The following SSBP2 variants were observed in gnomAD, a reference collection of about 807,000 sequenced individuals.
SSBP2 encodes single stranded DNA binding protein 2, also known as single-stranded DNA-binding protein 2.
A neutral mutation model predicts 61.8 loss-of-function variants in SSBP2; 17 were observed. The ratio of observed to expected loss-of-function variants is 0.28; its 90% CI spans 0.19 to 0.41. SSBP2 has a LOEUF of 0.41. SSBP2 is among the 10% of genes least tolerant of loss of function. The probability of loss-of-function intolerance (pLI) is 1.00; values close to 1 mark genes in which losing one functional copy is unlikely to be tolerated. For synonymous variants in SSBP2, 139 were observed against 141.3 expected (o/e 0.98, Z 0.12); for missense variants, 310 against 458.7 (o/e 0.68, Z 2.96).
intron 4 of SSBP2, among the ~76,000 whole-genome samples, chr5:81,564,054 A>G (rs1457120337): frequency 6.6e-6 from 1 of 152,214 alleles, no homozygotes; most frequent in Non-Finnish European, 1.5e-5. Flanking sequence ...AGAAAAACAC[A>G]AAATGAATGA....
intron 3 of SSBP2, among the ~76,000 whole-genome samples, chr5:81,619,689 A>T (rs1405127752): frequency 1.5e-5 from 1 of 65,986 alleles, no homozygotes; most frequent in East Asian, 3.8e-4. Context: ...ATGAACATTG[A>T]TGCAAAAATC....
intron 8 of SSBP2, among the ~76,000 whole-genome samples, chr5:81,470,069 T>G (rs530268567): frequency 2.1e-3 from 322 of 152,056 alleles, no homozygotes; most frequent in Non-Finnish European, 3.7e-3. Context: ...ACTTTTTCCT[T>G]ACATGAGAGC....
intron 4 of SSBP2, among the ~76,000 whole-genome samples, chr5:81,533,794 C>T (rs1770595972): frequency 6.6e-6 from 1 of 152,080 alleles, no homozygotes; most frequent in Non-Finnish European, 1.5e-5. Flanking sequence ...AACTGATTAA[C>T]TGCTGGAGGT....
chr5:81,721,104 A>G (rs1239448001), intron 1 of SSBP2, among the ~76,000 whole-genome samples: 3 of 152,180 alleles, frequency 2.0e-5, no homozygotes, highest in African/African-American at 2.4e-5. Context: ...GAGCCACAAT[A>G]GTAGGAAACC....
At chr5:81,496,561 T>C (rs6878037) in intron 5 of SSBP2, among the ~76,000 whole-genome samples, 105,697 of 152,122 alleles carry the variant, frequency 0.69, 38,918 homozygotes, top group African/African-American at 0.93. Flanking sequence ...TAGCAAGTGA[T>C]CATTTACTTA....
intron 3 of SSBP2, among the ~76,000 whole-genome samples, chr5:81,626,689 C>A (rs1298914845): frequency 6.6e-6 from 1 of 151,086 alleles, no homozygotes; most frequent in Non-Finnish European, 1.5e-5. Flanking sequence ...GCAACCACCC[C>A]CTCACCCTAC....
At chr5:81,496,265 C>T (rs1345748602) in intron 5 of SSBP2, among the ~76,000 whole-genome samples, 1 of 152,108 alleles carries the variant, frequency 6.6e-6, no homozygotes, top group African/African-American at 2.4e-5. Flanking sequence ...CTGCAACCTC[C>T]GCCTCCTGAG....
At chr5:81,493,559 T>G (rs766087134) in intron 5 of SSBP2, among the ~76,000 whole-genome samples, 35 of 152,202 alleles carry the variant, frequency 2.3e-4, no homozygotes, top group Middle Eastern at 6.8e-3. Flanking sequence ...TTCAAGGCCA[T>G]CCTGGCCAAC....
chr5:81,751,358 C>T, upstream of SSBP2: 1 of 502,762 alleles, frequency 2.0e-6, no homozygotes. Context: ...CCTCCCCCCT[C>T]CGAACCCGGG....
At chr5:81,664,135 T>TG (rs1453271233) in intron 1 of SSBP2, among the ~76,000 whole-genome samples, 3 of 151,474 alleles carry the variant, frequency 2.0e-5, no homozygotes, top group Non-Finnish European at 4.4e-5. Flanking sequence ...TTTTGTTTTT[T>TG]TTTTTGAGAC....
intron 1 of SSBP2, among the ~76,000 whole-genome samples, chr5:81,700,892 C>T (rs1322712984): frequency 6.6e-6 from 1 of 152,192 alleles, no homozygotes; most frequent in African/African-American, 2.4e-5. Flanking sequence ...AATGTTGTGG[C>T]CATATCTTCT....
At chr5:81,486,320 T>C (rs1386543815) in intron 6 of SSBP2, among the ~76,000 whole-genome samples, 2 of 152,198 alleles carry the variant, frequency 1.3e-5, no homozygotes, top group Non-Finnish European at 2.9e-5. Context: ...ACCAACCTTG[T>C]CTTCAAAGTG....
chr5:81,464,224 T>G (rs934007394), intron 9 of SSBP2, among the ~76,000 whole-genome samples: 2 of 152,306 alleles, frequency 1.3e-5, no homozygotes, highest in East Asian at 3.9e-4. Flanking sequence ...TATACAAAGT[T>G]GAGTTAGGGG....
At chr5:81,520,792 C>T (rs1220666558) in intron 4 of SSBP2, among the ~76,000 whole-genome samples, 1 of 151,928 alleles carries the variant, frequency 6.6e-6, no homozygotes, top group Non-Finnish European at 1.5e-5. Context: ...TATACAATGC[C>T]CACACTGTTG....
At chr5:81,641,102 A>C (rs894185212) in intron 2 of SSBP2, among the ~76,000 whole-genome samples, 1 of 152,196 alleles carries the variant, frequency 6.6e-6, no homozygotes, top group Non-Finnish European at 1.5e-5. Context: ...CTAGGTTTCA[A>C]TGCCAGGGTG....
At chr5:81,583,356 G>A (rs1456905641) in intron 4 of SSBP2, among the ~76,000 whole-genome samples, 7 of 151,562 alleles carry the variant, frequency 4.6e-5, no homozygotes, top group African/African-American at 7.3e-5. Flanking sequence ...GAGGCTGGGC[G>A]CAGTGGCTCA....
intron 8 of SSBP2, among the ~76,000 whole-genome samples, chr5:81,467,278 AT>A (rs1485857505): frequency 6.6e-6 from 1 of 152,010 alleles, no homozygotes; most frequent in African/African-American, 2.4e-5. Flanking sequence ...AGCACGTTAA[AT>A]GATTAAGGTA....
At chr5:81,421,437 C>T (rs1415748580) in intron 16 of SSBP2, among the ~76,000 whole-genome samples, 1 of 152,132 alleles carries the variant, frequency 6.6e-6, no homozygotes, top group Admixed American at 6.5e-5. Context: ...AAGCAATCTG[C>T]TCACCTTGGC....
intron 1 of SSBP2, among the ~76,000 whole-genome samples, chr5:81,695,891 A>G (rs1753569356): frequency 6.6e-6 from 1 of 152,208 alleles, no homozygotes; most frequent in South Asian, 2.1e-4. Flanking sequence ...AAAAGATTTC[A>G]AAGATTCTAA....
Sources: allele counts gnomAD v4.1 joint callset (sites outside exome capture counted in the v4.1 genomes callset), GRCh38; gene constraint gnomAD v4.1.1; transcripts MANE v1.5; gene names NCBI Gene and HGNC (gene_info 2026-07-23, HGNC 2026-07-21).